Variants in DDX60 observed in about 807,000 individuals in gnomAD.
The protein encoded by DDX60 is probable ATP-dependent RNA helicase DDX60.
A neutral mutation model predicts 212.8 loss-of-function variants in DDX60; 165 were observed. The ratio of observed to expected loss-of-function variants is 0.78; its 90% CI spans 0.68 to 0.88. The LOEUF (loss-of-function observed/expected upper bound fraction) is 0.88, where lower values mean the gene tolerates loss of function less well. Ranked by LOEUF, DDX60 falls within the 40% of genes least tolerant of loss-of-function variation. The pLI, the probability that DDX60 is intolerant of heterozygous loss-of-function variation, is 0.00. For synonymous variants in DDX60, 703 were observed against 685.3 expected (o/e 1.03, Z -0.40); for missense variants, 1,905 against 2,003.9 (o/e 0.95, Z 0.94).
In DDX60 at chr4:168,280,577, T is replaced by A. The variant is rs148247277; in HGVS notation, c.1736A>T (p.Glu579Val). ...TTTCTTATTCTCTCTAGCAATTATT[T>A]CAGCCTTGGTCTCCTGCCCCAAAGG... Reference protein sequence around the residue: ...KSKKAHETKAEIIARENKKRL... With the variant: ...KSKKAHETKAVIIARENKKRL... Residue 579 changes from glutamate to valine, a missense_variant, in exon 14 of 38, where the codon GAA becomes GTA. Physicochemically the swap from Glu to Val is moderately radical, Grantham distance 121. Transcript: ENST00000393743. 3 of 1,608,718 alleles carry A rather than the reference T, an allele frequency of 1.9e-6. No individual in the cohort carries two copies. The African/African-American group carries it at 4.0e-5, about 22-fold the overall frequency.
Position 168,280,458 on chromosome 4 carries a change from CA to C in DDX60, c.1854del (p.Gly619GlufsTer2). ...IEEQLKENLH[S>X]GIKSLEDFLK... is the part of the protein sequence containing the mutation. The stretch of plus-strand genomic sequence containing the variant: ...AAAAAATCTTCCAGGCTCTTTATTC[CA>C]GAGTGTAAATTTTCTTTCAATTGCT... On this transcript the variant is annotated frameshift_variant, in exon 14 of 38. Transcript: ENST00000393743. LOFTEE classifies it high-confidence loss of function. The C allele has an allele frequency of 3.7e-6, 6 of 1,614,134 alleles. No homozygotes were observed. Among genetic ancestry groups the C allele is most frequent in the Non-Finnish European group, 5.1e-6 (6 of 1,180,006 alleles).
intron 22 of DDX60, among the ~76,000 whole-genome samples, chr4:168,263,306 C>T (rs1371859950): frequency 6.6e-6 from 1 of 152,184 alleles, no homozygotes; most frequent in Non-Finnish European, 1.5e-5. Flanking sequence ...AGGTCACTGA[C>T]AGGTCTGCTT....
At chr4:168,235,325 G>A (rs1320704828) in intron 33 of DDX60, among the ~76,000 whole-genome samples, 2 of 151,852 alleles carry the variant, frequency 1.3e-5, no homozygotes, top group African/African-American at 2.4e-5. Context: ...AAGCTTTTTG[G>A]TGTAGTACCC....
At chr4:168,252,398 A>C in intron 27 of DDX60, 111 bp downstream of exon 27, 1 of 1,298,712 alleles carries the variant, frequency 7.7e-7, no homozygotes, top group Non-Finnish European at 1.1e-6. Flanking sequence ...TAGGGATTGT[A>C]TTAATTATGT....
intron 17 of DDX60, 33 bp downstream of exon 17, chr4:168,273,901 T>A (rs189722360): frequency 1.3e-6 from 2 of 1,590,710 alleles, no homozygotes; most frequent in Non-Finnish European, 1.7e-6. Context: ...GGTTCAGGAA[T>A]GAAAGAGAAT....
rs1278833423 is a variant in DDX60 at position 168,216,763 on chromosome 4, C to A, written c.*170G>T. 2.0e-6 allele frequency: 1 copy of A among 508,604 alleles called. No individual in the cohort carries two copies. The highest frequency in any genetic ancestry group is 3.4e-6 in the Non-Finnish European group (1 of 292,902). 31.5% of individuals were successfully genotyped at this position (508,604 alleles called of 1,614,324 possible). A position where few individuals can be genotyped will look rare whatever the true frequency, so the allele number is the denominator to read the frequency against. On this transcript the variant is annotated 3_prime_UTR_variant, in exon 38 of 38. Transcript: ENST00000393743. ...TGTGAGTATTCATGACAGAACATGG[C>A]AGGTTTGATTGCAACTCTGTTTGAT...
chr4:168,299,753 G>A (rs1047691771), intron 6 of DDX60, among the ~76,000 whole-genome samples: 2 of 152,128 alleles, frequency 1.3e-5, no homozygotes, highest in Non-Finnish European at 2.9e-5. Flanking sequence ...CCCCATTAGA[G>A]TTAACAAGCC....
At chr4:168,311,428 T>G (rs1423631190) in intron 1 of DDX60, 63 bp from the exon 2 acceptor site, 1 of 617,988 alleles carries the variant, frequency 1.6e-6, no homozygotes, top group Non-Finnish European at 2.8e-6. Context: ...GACTACTATA[T>G]GTAAAGCAAA....
intron 18 of DDX60, 68 bp downstream of exon 18, chr4:168,273,211 C>T: frequency 7.0e-7 from 1 of 1,424,786 alleles, no homozygotes; most frequent in Non-Finnish European, 9.5e-7. Context: ...TGTTGAATTT[C>T]TAGTCAAAGA....
chr4:168,273,362 G>C lies in DDX60; in HGVS notation c.2491C>G (p.Arg831Gly), dbSNP rs778806064. The C allele has an allele frequency of 6.2e-7, 1 of 1,613,666 alleles. No individual in the cohort carries two copies. Among genetic ancestry groups the C allele is most frequent in the East Asian group, 2.2e-5 (1 of 44,834 alleles). Residue 831 changes from arginine to glycine, a missense_variant, in exon 18 of 38, where the codon CGT (arginine) becomes GGT (glycine). By Grantham distance (125) the Arg-to-Gly change is moderately radical (BLOSUM62 -2). Transcript: ENST00000393743. ...CCACTTGGCAGATTTTTCGTAAAAC[G>C]ATTCTGAACAGTTGCTGCCACTTGA... ...VNQVAATVQN[R>G]FTKNLPSGEV...
intron 29 of DDX60, among the ~76,000 whole-genome samples, chr4:168,247,495 G>C (rs1460081877): frequency 6.6e-6 from 1 of 152,180 alleles, no homozygotes; most frequent in Non-Finnish European, 1.5e-5. Flanking sequence ...GGAGGGAAGC[G>C]CGTTGATAAA....
intron 30 of DDX60, among the ~76,000 whole-genome samples, chr4:168,245,620 A>G (rs1044006687): frequency 6.6e-6 from 1 of 152,238 alleles, no homozygotes; most frequent in Non-Finnish European, 1.5e-5. Context: ...CAACTCATCA[A>G]AAGAATCCTA....
chr4:168,316,828 C>T (rs927054053), intron 1 of DDX60, among the ~76,000 whole-genome samples: 4 of 151,578 alleles, frequency 2.6e-5, no homozygotes, highest in African/African-American at 9.7e-5. Context: ...GAGGCCAAGG[C>T]GGGCAGATCA....
chr4:168,301,126 T>A (rs1458545554), intron 6 of DDX60, among the ~76,000 whole-genome samples: 1 of 152,170 alleles, frequency 6.6e-6, no homozygotes, highest in Non-Finnish European at 1.5e-5. Flanking sequence ...ACTTTCTGTG[T>A]ATATAAAAAT....
intron 22 of DDX60, among the ~76,000 whole-genome samples, chr4:168,265,835 AGGAAGGGAAGGGAAG>A (rs138501508): frequency 0.16 from 14,156 of 89,142 alleles, 1,316 homozygotes; most frequent in African/African-American, 0.25. Context: ...GAAGGAGGGA[AGGAAGGGAAGGGAAG>A]GGAAGGGAAG....
At chr4:168,307,909 T>C in intron 4 of DDX60, 97 bp downstream of exon 4, 1 of 645,180 alleles carries the variant, frequency 1.5e-6, no homozygotes, top group African/African-American at 1.9e-5. Context: ...TTTATAGATA[T>C]AATCTACTTT....
Position 168,237,789 on chromosome 4 carries a change from A to G in DDX60, c.4171T>C (p.Ser1391Pro), listed in dbSNP as rs1306482770. The G allele has an allele frequency of 6.2e-7, 1 of 1,600,604 alleles. No individual in the cohort carries two copies. Among genetic ancestry groups the G allele is most frequent in the Non-Finnish European group, 8.5e-7 (1 of 1,174,312 alleles). ...GACAGCAATGAATGCTTTAGCACTG[A>G]TAGCACCTTTAAAGAAAAGAGTATT... is the stretch of plus-strand genomic sequence containing the variant. ...DPEDAKAKVL[S>P]VLKHSLLSFK... Residue 1391 changes from serine to proline, a missense_variant, in exon 31 of 38, where the codon TCA becomes CCA. Ser to Pro is a moderately conservative substitution (Grantham distance 74, BLOSUM62 -1). Transcript: ENST00000393743.
chr4:168,221,763 T>A lies in DDX60; in HGVS notation c.4943A>T (p.His1648Leu). The A allele has an allele frequency of 6.2e-7, 1 of 1,612,916 alleles. No individual in the cohort carries two copies. The highest frequency in any genetic ancestry group is 1.7e-5 in the Admixed American group (1 of 59,948). ...CTGGACTAATCCTATCAAGGAACCA[T>A]GTTTGTAGAAATCCAGTGCATAGGC... is the stretch of plus-strand genomic sequence containing the variant. ...LNAYALDFYK[H>L]GSLIGLVQDN... is the part of the protein sequence containing the mutation. The change falls in exon 36 of 38, where the codon CAT becomes CTT. Residue 1648 changes from histidine to leucine, a missense_variant. Coordinates refer to ENST00000393743, the MANE Select transcript of DDX60 (RefSeq NM_017631.6).
intron 32 of DDX60, among the ~76,000 whole-genome samples, chr4:168,236,667 G>T (rs1452728451): frequency 4.0e-5 from 6 of 151,678 alleles, no homozygotes; most frequent in Non-Finnish European, 8.9e-5. Flanking sequence ...CTACCATATA[G>T]ATTTAGTGTT....
Sources: allele counts gnomAD v4.1 joint callset (sites outside exome capture counted in the v4.1 genomes callset), GRCh38; gene constraint gnomAD v4.1.1; transcripts MANE v1.5; gene names NCBI Gene and HGNC (gene_info 2026-07-23, HGNC 2026-07-21).